The following PRKG1 variants were observed in gnomAD, a reference collection of about 807,000 sequenced individuals.
PRKG1 encodes cGMP-dependent protein kinase 1.
Under a neutral mutation model 88.1 loss-of-function variants are expected in PRKG1, and 35 were observed. That is an observed-to-expected ratio of 0.40 (90% CI 0.30 to 0.53). The LOEUF (loss-of-function observed/expected upper bound fraction) is 0.53. PRKG1 is among the 20% of genes least tolerant of loss of function. The probability of loss-of-function intolerance (pLI) is 0.59; values close to 1 mark genes in which losing one functional copy is unlikely to be tolerated. For missense variants in PRKG1, 540 were observed against 839.8 expected, an observed-to-expected ratio of 0.64 and a Z score of 4.41; for synonymous variants, 303 against 292.5, an observed-to-expected ratio of 1.04 and a Z score of -0.37.
intron 2 of PRKG1, among the ~76,000 whole-genome samples, chr10:51,445,470 T>C (rs752205694): frequency 1.3e-5 from 2 of 151,912 alleles, no homozygotes; most frequent in Non-Finnish European, 2.9e-5. Flanking sequence ...GAAACCATTT[T>C]TCCATACTTT....
At chr10:51,960,678 G>A (rs1374251200) in intron 5 of PRKG1, among the ~76,000 whole-genome samples, 1 of 152,084 alleles carries the variant, frequency 6.6e-6, no homozygotes, top group African/African-American at 2.4e-5. Flanking sequence ...CTGGATTTTC[G>A]CAGGCAGATG....
chr10:51,108,710 G>A (rs1014164187), intron 1 of PRKG1, among the ~76,000 whole-genome samples: 1 of 152,166 alleles, frequency 6.6e-6, no homozygotes, highest in African/African-American at 2.4e-5. Context: ...CCTAAGATCA[G>A]GAGCAAATGA....
intron 3 of PRKG1, among the ~76,000 whole-genome samples, chr10:51,671,722 G>C (rs1840584639): frequency 6.6e-6 from 1 of 151,978 alleles, no homozygotes; most frequent in African/African-American, 2.4e-5. Context: ...GAGCAGCTGG[G>C]ATTACATGCA....
chr10:51,636,580 A>G (rs1183645654), intron 3 of PRKG1, among the ~76,000 whole-genome samples: 1 of 152,142 alleles, frequency 6.6e-6, no homozygotes, highest in Non-Finnish European at 1.5e-5. Flanking sequence ...GTTCTAGGCC[A>G]CCCTAAGAGC....
At position 51,064,035 on chromosome 10, in the gene PRKG1, C is replaced by T. The variant is rs541027838; in HGVS notation, c.266+72391C>T. On this transcript the variant is annotated intron_variant, in intron 1 of 17. Coordinates refer to the PRKG1 transcript ENST00000401604. ...TCTTGTCATGTGATGCTTTGCTTTACCTTGTACTTTTAAAAAATGAAACAT... is the reference window on the plus strand; with the variant it reads ...TCTTGTCATGTGATGCTTTGCTTTATCTTGTACTTTTAAAAAATGAAACAT... Among the ~76,000 whole-genome samples the T allele has an allele frequency of 2.6e-5, 4 of 152,046 alleles. No individual in the cohort carries two copies. In the South Asian group the frequency reaches 8.3e-4, roughly 32 times the overall value.
At chr10:51,099,614 T>C (rs1165084514) in intron 1 of PRKG1, among the ~76,000 whole-genome samples, 3 of 152,124 alleles carry the variant, frequency 2.0e-5, no homozygotes, top group Non-Finnish European at 4.4e-5. Flanking sequence ...AGATGACCTA[T>C]ATTGAGGTAT....
intron 2 of PRKG1, among the ~76,000 whole-genome samples, chr10:51,248,431 C>G (rs1839348138): frequency 6.6e-6 from 1 of 151,812 alleles, no homozygotes; most frequent in Admixed American, 6.6e-5. Context: ...TTTAGACCTG[C>G]AATTCAAAAT....
intron 1 of PRKG1, among the ~76,000 whole-genome samples, chr10:51,008,994 T>C (rs908568663): frequency 1.1e-4 from 17 of 152,216 alleles, no homozygotes; most frequent in African/African-American, 4.1e-4. Flanking sequence ...CCATGAAATG[T>C]CACACATCTC....
rs538882205 is a variant in PRKG1 at position 51,957,887 on chromosome 10, G to A, written c.762+50317G>A. ...TTAGTCTGTAAGCTATCTGAAGTCC[G>A]AAACAAAGGCTTATTTATCTTGACA... On this transcript the variant is annotated intron_variant, in intron 5 of 17. Transcript: ENST00000373980. 2.6e-5 allele frequency among the ~76,000 whole-genome samples: 4 copies of A among 152,216 alleles called. No homozygotes were observed. The South Asian group carries it at 8.3e-4, about 32-fold the overall frequency.
chr10:52,128,154 G>C (rs1172179151), intron 7 of PRKG1: 1 of 985,384 alleles, frequency 1.0e-6, no homozygotes, highest in East Asian at 1.1e-4. Flanking sequence ...ACATGACAGA[G>C]AGTAAAGAGC....
At chr10:51,590,819 G>T (rs115331857) in intron 3 of PRKG1, among the ~76,000 whole-genome samples, 13 of 151,924 alleles carry the variant, frequency 8.6e-5, no homozygotes, top group African/African-American at 2.4e-4. Context: ...GATATGGGGG[G>T]GGTGGGGTGG....
intron 3 of PRKG1, among the ~76,000 whole-genome samples, chr10:51,777,871 T>A (rs1838482507): frequency 6.6e-6 from 1 of 152,196 alleles, no homozygotes; most frequent in South Asian, 2.1e-4. Context: ...TACATAGCCT[T>A]TTCAGATTAG....
At chr10:52,130,889 G>A (rs1301648400) in intron 7 of PRKG1, among the ~76,000 whole-genome samples, 35 of 152,164 alleles carry the variant, frequency 2.3e-4, no homozygotes, top group Admixed American at 2.3e-3. Flanking sequence ...CCTCCACAGA[G>A]ACAACCATGA....
chr10:51,091,007 T>C (rs1462299146), intron 1 of PRKG1, among the ~76,000 whole-genome samples: 1 of 152,218 alleles, frequency 6.6e-6, no homozygotes, highest in African/African-American at 2.4e-5. Flanking sequence ...CTTGATACTG[T>C]ATCTCAAGAT....
intron 3 of PRKG1, among the ~76,000 whole-genome samples, chr10:51,616,797 G>C (rs185914239): frequency 1.4e-4 from 22 of 152,268 alleles, no homozygotes; most frequent in African/African-American, 5.3e-4. Flanking sequence ...GGGTGGGGCT[G>C]TCTTCACTGG....
intron 2 of PRKG1, among the ~76,000 whole-genome samples, chr10:51,407,502 T>C (rs762492449): frequency 6.6e-6 from 1 of 152,194 alleles, no homozygotes; most frequent in Non-Finnish European, 1.5e-5. Context: ...CACCGACATG[T>C]TTTTAACAAA....
intron 2 of PRKG1, among the ~76,000 whole-genome samples, chr10:51,422,959 A>G (rs199525075): frequency 1.6e-3 from 166 of 103,952 alleles, no homozygotes; most frequent in Admixed American, 4.3e-3. Context: ...CCATTGAAAT[A>G]GGTTTTTTTT....
intron 2 of PRKG1, among the ~76,000 whole-genome samples, chr10:51,404,826 C>T (rs1356998617): frequency 1.3e-5 from 2 of 152,182 alleles, no homozygotes; most frequent in Non-Finnish European, 1.5e-5. Context: ...CCCTTTCATT[C>T]TCTCACCTCT....
At chr10:52,127,806 G>T (rs1031531103) in intron 7 of PRKG1, among the ~76,000 whole-genome samples, 11 of 152,072 alleles carry the variant, frequency 7.2e-5, no homozygotes, top group Admixed American at 5.9e-4. Context: ...TTAGGTTGTG[G>T]GTTTTATTAC....
Sources: allele counts gnomAD v4.1 joint callset (sites outside exome capture counted in the v4.1 genomes callset), GRCh38; gene constraint gnomAD v4.1.1; transcripts MANE v1.5; gene names NCBI Gene and HGNC (gene_info 2026-07-23, HGNC 2026-07-21).